NTNG2: variants seen among roughly 807,000 people sequenced by gnomAD.
The protein encoded by NTNG2 is netrin G2, also known as netrin-G2.
NTNG2 carries 15 observed loss-of-function variants against 47.6 expected under a neutral mutation model. The observed-to-expected ratio is 0.32, with a 90% CI of 0.21 to 0.49. NTNG2 has a LOEUF of 0.49. Ranked by LOEUF, NTNG2 falls within the 20% of genes least tolerant of loss-of-function variation. The pLI, the probability that NTNG2 is intolerant of heterozygous loss-of-function variation, is 0.99. For missense variants in NTNG2, 578 were observed against 764.6 expected, an observed-to-expected ratio of 0.76 and a Z score of 2.88; for synonymous variants, 307 against 324.6, an observed-to-expected ratio of 0.95 and a Z score of 0.58.
At chr9:132,198,700 T>G (rs1389692711) in intron 3 of NTNG2, 91 bp downstream of exon 3, 4 of 1,353,402 alleles carry the variant, frequency 3.0e-6, no homozygotes, top group Non-Finnish European at 4.1e-6. Flanking sequence ...TGTTACCTGG[T>G]ATGTGGAACA....
At chr9:132,169,706 GGTGCTGGCGGGACGGCACAGCCCGGCC>G (rs1351776919) in intron 2 of NTNG2, among the ~76,000 whole-genome samples, 1 of 152,224 alleles carries the variant, frequency 6.6e-6, no homozygotes, top group Non-Finnish European at 1.5e-5. Context: ...GGAGTGTCAC[GGTGCTGGCGGGACGGCACAGCCCGGCC>G]GTGCTGCCGT....
At chr9:132,173,807 G>T (rs576848316) in intron 2 of NTNG2, among the ~76,000 whole-genome samples, 1 of 147,598 alleles carries the variant, frequency 6.8e-6, no homozygotes, top group Non-Finnish European at 1.5e-5. Flanking sequence ...TGAGACGGAC[G>T]GACGGACAGA....
At chr9:132,192,447 C>T (rs1290347584) in intron 2 of NTNG2, among the ~76,000 whole-genome samples, 2 of 152,118 alleles carry the variant, frequency 1.3e-5, no homozygotes, top group African/African-American at 2.4e-5. Context: ...AAAAATTAGC[C>T]AGGCGTGGTG....
chr9:132,238,068 C>T (rs1011349668), intron 5 of NTNG2, among the ~76,000 whole-genome samples: 4 of 131,640 alleles, frequency 3.0e-5, no homozygotes, highest in African/African-American at 5.7e-5. Context: ...TAGAGATACA[C>T]AGATGGTGTT....
At chr9:132,227,297 C>A (rs1238901245) in intron 4 of NTNG2, among the ~76,000 whole-genome samples, 4 of 152,252 alleles carry the variant, frequency 2.6e-5, no homozygotes, top group Non-Finnish European at 4.4e-5. Context: ...CGCCAGGTCT[C>A]ATAACAAGTC....
chr9:132,224,523 C>A (rs534841793), intron 3 of NTNG2, among the ~76,000 whole-genome samples: 81 of 152,286 alleles, frequency 5.3e-4, no homozygotes, highest in African/African-American at 1.8e-3. Context: ...AGACCCGAAG[C>A]ACCATCAGGT....
rs1005567796 is a variant in NTNG2, at chr9:132,231,001, A to T, written c.1054+406A>T. On this transcript the variant is annotated intron_variant, in intron 5 of 7. Coordinates refer to ENST00000393229, the MANE Select transcript of NTNG2 (RefSeq NM_032536.4). This position sits in a 1 kb window ranked among gnomAD's most constrained non-coding sequence, Gnocchi z 4.1. ...ATCTGGGAGAGCAGTCTCTCCTGCC[A>T]GTCAAGAGTGGGGTGACCTTCCCCC... 2.6e-5 allele frequency among the ~76,000 whole-genome samples: 4 copies of T among 152,044 alleles called. No individual in the cohort carries two copies. Among genetic ancestry groups the T allele is most frequent in the Non-Finnish European group, 5.9e-5 (4 of 67,960 alleles).
intron 4 of NTNG2, 103 bp downstream of exon 4, chr9:132,227,124 C>A: frequency 7.9e-7 from 1 of 1,271,454 alleles, no homozygotes; most frequent in Non-Finnish European, 1.1e-6. Context: ...AACCTGCACA[C>A]AGGCACATAC....
At position 132,198,027 on chromosome 9, in the gene NTNG2, C is replaced by G. The variant is rs1329302547; in HGVS notation, c.275C>G (p.Pro92Arg). 1 of 1,613,588 alleles carries G rather than the reference C, an allele frequency of 6.2e-7. No individual in the cohort carries two copies. Among genetic ancestry groups the G allele is most frequent in the Non-Finnish European group, 8.5e-7 (1 of 1,180,036 alleles). ...DASNPDLAHP[P>R]RLMFDKEEEG... ...TCCAACCCGGACCTGGCCCACCCGC[C>G]CAGGCTCATGTTCGACAAGGAGGAG... is the stretch of plus-strand genomic sequence containing the variant. The change falls in exon 3 of 8, where the codon CCC (proline) becomes CGC (arginine). Residue 92 changes from proline (P) to arginine (R), a missense_variant. Physicochemically the swap from Pro to Arg is moderately radical, Grantham distance 103 (BLOSUM62 -2). Transcript: ENST00000393229.
At chr9:132,229,882 G>A (rs1448558560) in intron 4 of NTNG2, among the ~76,000 whole-genome samples, 3 of 152,186 alleles carry the variant, frequency 2.0e-5, no homozygotes, top group Non-Finnish European at 4.4e-5. Flanking sequence ...GGATTTCAAG[G>A]CCCCTGGTCA....
chr9:132,178,426 T>A (rs1401921876), intron 2 of NTNG2, among the ~76,000 whole-genome samples: 1 of 152,088 alleles, frequency 6.6e-6, no homozygotes, highest in African/African-American at 2.4e-5. Context: ...TGAAGATAAT[T>A]ATCCATCATT....
intron 3 of NTNG2, among the ~76,000 whole-genome samples, chr9:132,199,133 G>A (rs527358742): frequency 6.5e-4 from 99 of 152,206 alleles, no homozygotes; most frequent in Non-Finnish European, 1.2e-3. Flanking sequence ...TGCACATGTC[G>A]GAGGAAGGAA....
intron 5 of NTNG2, among the ~76,000 whole-genome samples, chr9:132,234,984 G>A (rs1841514492): frequency 6.6e-6 from 1 of 152,224 alleles, no homozygotes; most frequent in African/African-American, 2.4e-5. Flanking sequence ...TTTGAAATTT[G>A]GGCACAGGGC....
chr9:132,175,414 C>T (rs969822360), intron 2 of NTNG2, among the ~76,000 whole-genome samples: 9 of 152,278 alleles, frequency 5.9e-5, no homozygotes, highest in Non-Finnish European at 1.3e-4. Flanking sequence ...AGCCCTGTGC[C>T]GTGGGGCTGG....
In NTNG2 at chr9:132,198,293, C is replaced by T. The variant is rs746974479; in HGVS notation, c.541C>T (p.Arg181Trp). Residue 181 changes from arginine to tryptophan, a missense_variant, in exon 3 of 8, where the codon CGG (arginine) becomes TGG (tryptophan). Coordinates refer to ENST00000393229, the MANE Select transcript of NTNG2 (RefSeq NM_032536.4). ...GGAGGCCTTCGGTATGTCCGCCCGC[C>T]GGGCCCGCGACATGTCATCCTCCAG... ...CMEAFGMSAR[R>W]ARDMSSSSAH... 1.9e-6 allele frequency: 3 copies of T among 1,612,688 alleles called. No homozygotes were observed. The highest frequency in any genetic ancestry group is 1.3e-5 in the African/African-American group (1 of 74,932).
chr9:132,189,999 C>T (rs7864624), intron 2 of NTNG2, among the ~76,000 whole-genome samples: 4 of 145,646 alleles, frequency 2.7e-5, no homozygotes, highest in Non-Finnish European at 4.5e-5. Flanking sequence ...TTTGGGAGGC[C>T]GAGGCGGGCG....
chr9:132,196,178 TTTTGTTTTTG>T (rs544076266), intron 2 of NTNG2, among the ~76,000 whole-genome samples: 29 of 152,192 alleles, frequency 1.9e-4, no homozygotes, highest in Admixed American at 1.2e-3. Flanking sequence ...GTTTGTTTTG[TTTTGTTTTTG>T]TTTGTTTTTG....
At chr9:132,211,028 C>T (rs1010920671) in intron 3 of NTNG2, among the ~76,000 whole-genome samples, 1 of 152,238 alleles carries the variant, frequency 6.6e-6, no homozygotes, top group African/African-American at 2.4e-5. Flanking sequence ...TCACACTCCA[C>T]ATGGCTGCCT....
rs1421202326 is a variant in NTNG2 at position 132,167,017 on chromosome 9, A to G, written c.186A>G (p.Gly62=). Residue 62 remains glycine, a synonymous_variant, in exon 2 of 8, where the codon GGA becomes GGG. Coordinates refer to ENST00000393229, the MANE Select transcript of NTNG2 (RefSeq NM_032536.4). ...VKVEPSGITC[G]DPPERFCSHE... ...TGGAGCCCTCAGGCATCACATGTGG[A>G]GACCCCCCTGAGAGGTTCTGCTCCC... The G allele has an allele frequency of 6.2e-7, 1 of 1,614,116 alleles. No homozygotes were observed. Among genetic ancestry groups the G allele is most frequent in the Non-Finnish European group, 8.5e-7 (1 of 1,180,042 alleles).
Sources: allele counts gnomAD v4.1 joint callset (sites outside exome capture counted in the v4.1 genomes callset), GRCh38; gene constraint gnomAD v4.1.1; non-coding constraint Gnocchi (gnomAD v3.1); transcripts MANE v1.5; gene names NCBI Gene and HGNC (gene_info 2026-07-23, HGNC 2026-07-21).